PSD3: variants seen among roughly 807,000 people sequenced by gnomAD.
The protein encoded by PSD3 is PH and SEC7 domain-containing protein 3.
A neutral mutation model predicts 105.5 loss-of-function variants in PSD3; 49 were observed. The ratio of observed to expected loss-of-function variants is 0.46; its 90% CI spans 0.37 to 0.59. The LOEUF is 0.59. Ranked by LOEUF, PSD3 falls within the 20% of genes least tolerant of loss-of-function variation. The pLI is 0.00. For synonymous variants in PSD3, 557 were observed against 457.8 expected (o/e 1.22, Z -2.77); for missense variants, 1,561 against 1,263.8 (o/e 1.24, Z -3.57).
chr8:18,781,550 G>T (rs1038857195), intron 8 of PSD3, among the ~76,000 whole-genome samples: 2 of 152,218 alleles, frequency 1.3e-5, no homozygotes, highest in African/African-American at 4.8e-5. Flanking sequence ...ACATGGCCTG[G>T]AAGGTTTCTG....
At chr8:18,984,582 A>G (rs544963030) in intron 1 of PSD3, among the ~76,000 whole-genome samples, 1 of 152,310 alleles carries the variant, frequency 6.6e-6, no homozygotes, top group South Asian at 2.1e-4. Context: ...TGAAGGAACA[A>G]CTTTCAGTTT....
At chr8:18,875,020 A>G (rs912018360) in intron 2 of PSD3, among the ~76,000 whole-genome samples, 1 of 152,124 alleles carries the variant, frequency 6.6e-6, no homozygotes, top group Non-Finnish European at 1.5e-5. Context: ...GGCTCAAGTG[A>G]TCCTCTCACT....
At chr8:18,592,757 C>G (rs1160926608) in intron 12 of PSD3, among the ~76,000 whole-genome samples, 1 of 151,976 alleles carries the variant, frequency 6.6e-6, no homozygotes, top group Non-Finnish European at 1.5e-5. Flanking sequence ...GCAAAACTAC[C>G]CTTTAAAAAT....
At chr8:18,675,851 C>T (rs1221483804) in intron 9 of PSD3, among the ~76,000 whole-genome samples, 1 of 152,196 alleles carries the variant, frequency 6.6e-6, no homozygotes, top group African/African-American at 2.4e-5. Flanking sequence ...CTCTTGGTCT[C>T]TGCTTCACTA....
intron 12 of PSD3, among the ~76,000 whole-genome samples, chr8:18,594,881 T>G (rs1049813606): frequency 5.9e-5 from 9 of 152,100 alleles, no homozygotes; most frequent in Admixed American, 5.9e-4. Context: ...TTTTTGAAAC[T>G]TTGTGGAACT....
In PSD3 at chr8:18,975,314, ATTTTT is replaced by A. The variant is rs71218914; in HGVS notation, c.21+38244_21+38248del. Reference sequence around the variant, plus strand: ...TAATTCTAGATAAACATTTTCTGAAATTTTTTTTTTTTTTTTTTTTGCCAATATGT... The same window carrying A: ...TAATTCTAGATAAACATTTTCTGAAATTTTTTTTTTTTTTTGCCAATATGT... On this transcript the variant is annotated intron_variant, in intron 1 of 15. Transcript: ENST00000327040. Among the ~76,000 whole-genome samples, 60 of 144,334 alleles carry A rather than the reference ATTTTT, an allele frequency of 4.2e-4. 1 individual carries two copies. Among genetic ancestry groups the A allele is most frequent in the African/African-American group, 8.8e-4 (34 of 38,612 alleles). 94.7% of individuals were successfully genotyped at this position (144,334 alleles called of 152,430 possible).
intron 11 of PSD3, among the ~76,000 whole-genome samples, chr8:18,628,486 TG>T (rs1237078516): frequency 2.6e-5 from 4 of 151,900 alleles, no homozygotes; most frequent in African/African-American, 9.7e-5. Context: ...CTATACCCAG[TG>T]AATATACATT....
intron 10 of PSD3, among the ~76,000 whole-genome samples, chr8:18,635,599 G>A (rs1025304635): frequency 2.0e-5 from 3 of 152,020 alleles, no homozygotes; most frequent in African/African-American, 7.2e-5. Flanking sequence ...AGAAGGCTTT[G>A]CACTATTTAC....
At position 18,532,745 on chromosome 8, in the gene PSD3, A is replaced by G. The variant is rs1417306251; in HGVS notation, c.*2998T>C. The G allele has an allele frequency of 6.6e-6, 1 of 152,202 alleles. No individual in the cohort carries two copies. The allele number at this position is 152,202 out of a possible 1,614,324, so 9.4% of individuals were successfully genotyped here. ...AATTAAGTTTTGATTGCTAATGAGG[A>G]ATCCCAGACACCTCCCTGTAAAAGC... On this transcript the variant is annotated 3_prime_UTR_variant, in exon 16 of 16. Transcript: ENST00000327040.
chr8:19,056,299 T>A (rs1258172243), intron 1 of PSD3, among the ~76,000 whole-genome samples: 14 of 152,202 alleles, frequency 9.2e-5, no homozygotes, highest in Admixed American at 9.2e-4. Flanking sequence ...GACCCTCCTA[T>A]AACATAATTG....
intron 8 of PSD3, among the ~76,000 whole-genome samples, chr8:18,777,848 T>C (rs1354260557): frequency 6.6e-6 from 1 of 152,186 alleles, no homozygotes; most frequent in East Asian, 1.9e-4. Flanking sequence ...TTACTCTCTA[T>C]GTCCATGATA....
At chr8:18,588,239 T>A (rs1276541025) in intron 12 of PSD3, among the ~76,000 whole-genome samples, 2 of 152,076 alleles carry the variant, frequency 1.3e-5, no homozygotes. Flanking sequence ...TAGTTTTTAG[T>A]TTTACAGATT....
At chr8:18,923,387 C>T (rs150617478) in intron 2 of PSD3, among the ~76,000 whole-genome samples, 36 of 152,244 alleles carry the variant, frequency 2.4e-4, no homozygotes, top group African/African-American at 8.4e-4. Flanking sequence ...TACAAAAAGA[C>T]ATACCACTTT....
chr8:18,852,472 G>A (rs540499981), intron 4 of PSD3, among the ~76,000 whole-genome samples: 13 of 152,312 alleles, frequency 8.5e-5, no homozygotes, highest in Non-Finnish European at 1.5e-4. Flanking sequence ...TCTTGAGTGG[G>A]TCACATGCTG....
intron 11 of PSD3, among the ~76,000 whole-genome samples, chr8:18,630,903 G>A (rs926994858): frequency 6.6e-6 from 1 of 151,686 alleles, no homozygotes; most frequent in Non-Finnish European, 1.5e-5. Context: ...AAAGTATATG[G>A]GAGGATATGC....
intron 7 of PSD3, among the ~76,000 whole-genome samples, chr8:18,800,675 T>C (rs746563557): frequency 6.6e-6 from 1 of 152,280 alleles, no homozygotes; most frequent in Middle Eastern, 3.4e-3. Flanking sequence ...TTTGTAAAAA[T>C]AGTGTAATAT....
intron 2 of PSD3, among the ~76,000 whole-genome samples, chr8:18,882,200 T>A (rs1818148751): frequency 1.3e-5 from 2 of 149,756 alleles, no homozygotes; most frequent in Non-Finnish European, 3.0e-5. Context: ...ACAGCAAGAT[T>A]CTGTCTCAAC....
intron 14 of PSD3, among the ~76,000 whole-genome samples, chr8:18,559,145 A>G (rs1414082318): frequency 6.6e-6 from 1 of 152,182 alleles, no homozygotes; most frequent in Non-Finnish European, 1.5e-5. Context: ...ATAGTGTGTC[A>G]CAAAGTGTTG....
At chr8:18,684,664 C>T (rs1800567553) in intron 9 of PSD3, among the ~76,000 whole-genome samples, 1 of 152,168 alleles carries the variant, frequency 6.6e-6, no homozygotes, top group African/African-American at 2.4e-5. Flanking sequence ...CCAGATATTT[C>T]AAGAGGAATT....
Sources: gnomAD v4.1 joint callset for allele counts (sites outside exome capture counted in the v4.1 genomes callset) on GRCh38, gnomAD v4.1.1 for gene constraint, MANE v1.5 for transcripts, NCBI Gene and HGNC (gene_info 2026-07-23, HGNC 2026-07-21) for gene names.